DELE1: variants seen among roughly 807,000 people sequenced by gnomAD.
DELE1 encodes DAP3 binding cell death enhancer 1.
In DELE1, 54 loss-of-function variants were observed where a neutral mutation model predicts 59.3. That is an observed-to-expected ratio of 0.91 (90% CI 0.73 to 1.14). The LOEUF (loss-of-function observed/expected upper bound fraction) is 1.14, where lower values mean the gene tolerates loss of function less well. Ranked by LOEUF, DELE1 falls within the 50% of genes most tolerant of loss-of-function variation. DELE1 has a pLI of 0.00. For missense variants in DELE1, 636 were observed against 643.9 expected, an observed-to-expected ratio of 0.99 and a Z score of 0.13; for synonymous variants, 264 against 259.1, an observed-to-expected ratio of 1.02 and a Z score of -0.18.
At position 141,938,970 on chromosome 5, in the gene DELE1, A is replaced by C; in HGVS notation, c.*211A>C. 1 of 1,396,112 alleles carries C rather than the reference A, an allele frequency of 7.2e-7. No individual in the cohort carries two copies. The highest frequency in any genetic ancestry group is 9.3e-7 in the Non-Finnish European group (1 of 1,077,602). 86.5% of individuals were successfully genotyped at this position (1,396,112 alleles called of 1,614,324 possible). A position where few individuals can be genotyped will look rare whatever the true frequency, so the allele number is the denominator to read the frequency against. ...ATGAGTCTTGGATGCATTCACAGTC[A>C]TTTCTGGTCTGTGCACCAAAGGATG... is the stretch of plus-strand genomic sequence containing the variant. On this transcript the variant is annotated 3_prime_UTR_variant, in exon 12 of 12. Transcript: ENST00000432126.
At chr5:141,925,700 T>G (rs1297566647) in intron 3 of DELE1, among the ~76,000 whole-genome samples, 173 bp downstream of exon 3, 3 of 152,198 alleles carry the variant, frequency 2.0e-5, no homozygotes, top group Non-Finnish European at 4.4e-5. Flanking sequence ...ACCCCCGCCA[T>G]GTATGTTTTC....
At chr5:141,934,219 G>A (rs1466717197) in intron 8 of DELE1, 21 bp from the exon 9 acceptor site, 1 of 1,583,036 alleles carries the variant, frequency 6.3e-7, no homozygotes, top group African/African-American at 1.3e-5. Context: ...AGCCGACTGG[G>A]TGTTTCTCCC....
At chr5:141,936,732 C>A in intron 10 of DELE1, 1 of 374,498 alleles carries the variant, frequency 2.7e-6, no homozygotes, top group Non-Finnish European at 3.7e-6. Context: ...CGCGCCCAGG[C>A]CAAGCATAGC....
At position 141,939,142 on chromosome 5, in the gene DELE1, T is replaced by TA; in HGVS notation, c.*383_*384insA. 1.0e-6 allele frequency: 1 copy of TA among 997,536 alleles called. No homozygotes were observed. The highest frequency in any genetic ancestry group is 1.2e-6 in the Non-Finnish European group (1 of 836,590). The allele number at this position is 997,536 out of a possible 1,614,324, so 61.8% of individuals were successfully genotyped here. On this transcript the variant is annotated 3_prime_UTR_variant, in exon 12 of 12. Coordinates refer to ENST00000432126, the MANE Select transcript of DELE1 (RefSeq NM_014773.5). ...AAATCTGTACTACTGTTTGCCAATG[T>TA]CTGATGTGTGTATCCCTGGTTCACA...
chr5:141,941,378 A>G lies in DELE1; in HGVS notation c.*2619A>G. The G allele has an allele frequency of 1.0e-6, 1 of 985,582 alleles. No homozygotes were observed. The highest frequency in any genetic ancestry group is 1.2e-6 in the Non-Finnish European group (1 of 830,060). 61.1% of individuals were successfully genotyped at this position (985,582 alleles called of 1,614,324 possible). On this transcript the variant is annotated 3_prime_UTR_variant, in exon 12 of 12. Coordinates refer to ENST00000432126, the MANE Select transcript of DELE1 (RefSeq NM_014773.5). ...AAAAGGAAGGGCCTCTCCTGTGGAA[A>G]GGGAAGGATGGCAGAGTCGTGAGAA... is the stretch of plus-strand genomic sequence containing the variant.
At chr5:141,925,325 T>A in intron 2 of DELE1, 85 bp from the exon 3 acceptor site, 1 of 803,010 alleles carries the variant, frequency 1.2e-6, no homozygotes, top group Non-Finnish European at 1.9e-6. Context: ...CCTCCCAAAT[T>A]GTTGGGATTA....
intron 7 of DELE1, among the ~76,000 whole-genome samples, chr5:141,932,973 TA>T (rs1207987048): frequency 6.6e-6 from 1 of 151,418 alleles, no homozygotes; most frequent in African/African-American, 2.4e-5. Flanking sequence ...CAGGCATCTG[TA>T]AACCCAGCTA....
In DELE1 at chr5:141,925,403, C is replaced by G. The variant is rs1751316432; in HGVS notation, c.147-7C>G. 1 of 1,553,166 alleles carries G rather than the reference C, an allele frequency of 6.4e-7. No individual in the cohort carries two copies. The highest frequency in any genetic ancestry group is 1.4e-5 in the African/African-American group (1 of 71,790). On this transcript the variant is annotated splice_region_variant and splice_polypyrimidine_tract_variant and intron_variant, in intron 2 of 11. Transcript: ENST00000432126. ...CCTACTTGATAGCCTCTTATTTCAT[C>G]ATCTAGGTCAGGTCCCCATGGCCCA... is the stretch of plus-strand genomic sequence containing the variant.
At chr5:141,930,929 T>C (rs1751857900) in intron 7 of DELE1, among the ~76,000 whole-genome samples, 1 of 152,206 alleles carries the variant, frequency 6.6e-6, no homozygotes, top group Non-Finnish European at 1.5e-5. Flanking sequence ...AACAAATTTG[T>C]TGAGCATTTA....
Position 141,940,884 on chromosome 5 carries a change from T to A in DELE1, c.*2125T>A. The A allele has an allele frequency of 2.0e-6, 2 of 985,250 alleles. No individual in the cohort carries two copies. The highest frequency in any genetic ancestry group is 2.4e-6 in the Non-Finnish European group (2 of 829,784). 61.0% of individuals were successfully genotyped at this position (985,250 alleles called of 1,614,324 possible). On this transcript the variant is annotated 3_prime_UTR_variant, in exon 12 of 12. Coordinates refer to ENST00000432126, the MANE Select transcript of DELE1 (RefSeq NM_014773.5). Reference sequence around the variant, plus strand: ...GCCAAAAAACAAACAAAAAAAGGTTTCTGTGGTTAAATAAGTTTGGGAAAT... The same window carrying A: ...GCCAAAAAACAAACAAAAAAAGGTTACTGTGGTTAAATAAGTTTGGGAAAT...
At chr5:141,933,487 A>G (rs564155257) in intron 8 of DELE1, 86 bp downstream of exon 8, 1 of 1,119,476 alleles carries the variant, frequency 8.9e-7, no homozygotes, top group African/African-American at 1.6e-5. Flanking sequence ...GATGGGGGAA[A>G]GTTTGGCTTC....
chr5:141,941,712 C>T lies in DELE1; in HGVS notation c.*2953C>T. Reference sequence around the variant, plus strand: ...CCGGAGATGCTGTTTTCAGGGAGTCCTGACACTATGATGGGAACAAGGCTA... The same window carrying T: ...CCGGAGATGCTGTTTTCAGGGAGTCTTGACACTATGATGGGAACAAGGCTA... On this transcript the variant is annotated 3_prime_UTR_variant, in exon 12 of 12. Transcript: ENST00000432126. The T allele has an allele frequency of 1.0e-6, 1 of 985,262 alleles. No individual in the cohort carries two copies. The allele number at this position is 985,262 out of a possible 1,614,324, so 61.0% of individuals were successfully genotyped here.
At chr5:141,925,068 C>A (rs1264125905) in intron 2 of DELE1, among the ~76,000 whole-genome samples, 1 of 152,074 alleles carries the variant, frequency 6.6e-6, no homozygotes, top group Non-Finnish European at 1.5e-5. Flanking sequence ...GCTGGGATTT[C>A]AGGCATGCAC....
In DELE1 at chr5:141,934,278, C is replaced by T. The variant is rs1752180103; in HGVS notation, c.936C>T (p.His312=). The change falls in exon 9 of 12, where the codon CAC becomes CAT. Residue 312 remains histidine (H), a synonymous_variant. Coordinates refer to ENST00000432126, the MANE Select transcript of DELE1 (RefSeq NM_014773.5). The part of the protein sequence containing the change: ...LYYQLAASQG[H]SLAQYRYARC... ...ATCAGTTGGCTGCCAGCCAGGGCCA[C>T]AGCCTGGCTCAGTACCGCTATGCCA... 6.2e-7 allele frequency: 1 copy of T among 1,613,066 alleles called. No individual in the cohort carries two copies. The highest frequency in any genetic ancestry group is 8.5e-7 in the Non-Finnish European group (1 of 1,179,334).
chr5:141,933,361 G>T lies in DELE1; in HGVS notation c.857G>T (p.Cys286Phe). ...YSKAQYNAGL[C>F]HEHGRGTPRD... ...AAAGCGCAGTACAATGCGGGCTTGT[G>T]TCATGAGCATGGCAGAGGCACCCCC... Residue 286 changes from cysteine to phenylalanine, a missense_variant, in exon 8 of 12, where the codon TGT becomes TTT. Transcript: ENST00000432126. The T allele has an allele frequency of 6.6e-7, 1 of 1,525,586 alleles. No homozygotes were observed. The highest frequency in any genetic ancestry group is 8.9e-7 in the Non-Finnish European group (1 of 1,119,144). 94.5% of individuals were successfully genotyped at this position (1,525,586 alleles called of 1,614,324 possible). A position where few individuals can be genotyped will look rare whatever the true frequency, so the allele number is the denominator to read the frequency against.
In DELE1 at chr5:141,940,642, G is replaced by A. The variant is rs548143610; in HGVS notation, c.*1883G>A. 2.4e-4 allele frequency: 236 copies of A among 985,798 alleles called. No individual in the cohort carries two copies. The highest frequency in any genetic ancestry group is 2.8e-4 in the Non-Finnish European group (229 of 830,274). The allele number at this position is 985,798 out of a possible 1,614,324, so 61.1% of individuals were successfully genotyped here. ...AAGCGTCCTCTAGCTCCATCTCCTC[G>A]CCTGCTCCCTGCCTCCTTTTCAGGG... On this transcript the variant is annotated 3_prime_UTR_variant, in exon 12 of 12. Coordinates refer to ENST00000432126, the MANE Select transcript of DELE1 (RefSeq NM_014773.5).
intron 4 of DELE1, among the ~76,000 whole-genome samples, chr5:141,928,641 C>T (rs971235877): frequency 6.6e-6 from 1 of 152,208 alleles, no homozygotes; most frequent in Non-Finnish European, 1.5e-5. Context: ...CTTTATTGAG[C>T]ACCTATTATG....
At chr5:141,932,114 A>AG (rs1019444828) in intron 7 of DELE1, among the ~76,000 whole-genome samples, 2 of 152,212 alleles carry the variant, frequency 1.3e-5, no homozygotes, top group African/African-American at 4.8e-5. Context: ...GTGCCAAAAA[A>AG]GTGTTTAAGC....
chr5:141,925,336 C>T lies in DELE1; in HGVS notation c.147-74C>T, dbSNP rs1009728260. The stretch of plus-strand genomic sequence containing the variant: ...TCAGCCTCCCAAATTGTTGGGATTA[C>T]AGGTGTGAGCCACCGCACCCAGTCC... On this transcript the variant is annotated intron_variant, in intron 2 of 11. Transcript: ENST00000432126. The T allele has an allele frequency of 3.1e-6, 3 of 957,858 alleles. No homozygotes were observed. In the Admixed American group the frequency reaches 7.8e-5, roughly 25 times the overall value. The allele number at this position is 957,858 out of a possible 1,614,324, so 59.3% of individuals were successfully genotyped here. A position where few individuals can be genotyped will look rare whatever the true frequency, so the allele number is the denominator to read the frequency against.
Sources: allele counts gnomAD v4.1 joint callset (sites outside exome capture counted in the v4.1 genomes callset), GRCh38; gene constraint gnomAD v4.1.1; transcripts MANE v1.5; gene names NCBI Gene and HGNC (gene_info 2026-07-23, HGNC 2026-07-21).